KIF21B: variants seen among roughly 807,000 people sequenced by gnomAD.
KIF21B encodes the protein kinesin-like protein KIF21B.
Under a neutral mutation model 192.9 loss-of-function variants are expected in KIF21B, and 85 were observed. The observed-to-expected ratio is 0.44, with a 90% CI of 0.37 to 0.53. KIF21B has a LOEUF of 0.53. KIF21B is among the 20% of genes least tolerant of loss of function. KIF21B has a pLI of 0.00. For synonymous variants in KIF21B, 832 were observed against 884.6 expected (o/e 0.94, Z 1.05); for missense variants, 1,716 against 2,194.8 (o/e 0.78, Z 4.36).
In KIF21B at chr1:200,988,524, C is replaced by T; in HGVS notation, c.3319G>A (p.Asp1107Asn). 1 of 1,282,402 alleles carries T rather than the reference C, an allele frequency of 7.8e-7. No homozygotes were observed. Among genetic ancestry groups the T allele is most frequent in the Non-Finnish European group, 1.1e-6 (1 of 939,754 alleles). The allele number at this position is 1,282,402 out of a possible 1,614,324, so 79.4% of individuals were successfully genotyped here. The stretch of plus-strand genomic sequence containing the variant: ...TCAGAGAACTCTGAGATCTCCTCAT[C>T]TGTGCTGGCGTAGCCATTCTCTGTG... ...VQQENGYAST[D>N]EEISEFSEGS... is the part of the protein sequence containing the mutation. Residue 1107 changes from aspartate (D) to asparagine (N), a missense_variant, in exon 23 of 35, where the codon GAT becomes AAT. Physicochemically the swap from Asp to Asn is conservative, Grantham distance 23. This residue lies in a region of KIF21B where 580 missense variants were observed against 775.5 expected (regional missense o/e 0.75). Transcript: ENST00000461742.
intron 27 of KIF21B, 60 bp from the exon 28 acceptor site, chr1:200,983,154 G>A (rs954731124): frequency 6.4e-6 from 9 of 1,406,390 alleles, no homozygotes; most frequent in African/African-American, 5.7e-5. Flanking sequence ...ACAGAGGGAC[G>A]CAGAGGCGGC....
rs1015486202 is a variant in KIF21B, at chr1:201,017,407, C to T, written c.41+5936G>A. 6.6e-6 allele frequency among the ~76,000 whole-genome samples: 1 copy of T among 152,136 alleles called. No individual in the cohort carries two copies. The highest frequency in any genetic ancestry group is 1.5e-5 in the Non-Finnish European group (1 of 68,002). ...TCTGGGGCCTGGGAAGAGGGTAAAC[C>T]CAGCCCAGGGAAGTACTGCTCAGCT... On this transcript the variant is annotated intron_variant, in intron 1 of 34. Coordinates refer to ENST00000461742, the MANE Select transcript of KIF21B (RefSeq NM_001252102.2). This position sits in a 1 kb window ranked among gnomAD's most constrained non-coding sequence, Gnocchi z 4.1.
chr1:201,007,515 C>G (rs1302086230), intron 3 of KIF21B, among the ~76,000 whole-genome samples: 1 of 149,878 alleles, frequency 6.7e-6, no homozygotes, highest in African/African-American at 2.5e-5. Context: ...CAGACATACA[C>G]ACACAGAGAC....
At chr1:200,981,963 T>A (rs1048996262) in intron 28 of KIF21B, among the ~76,000 whole-genome samples, 1 of 152,088 alleles carries the variant, frequency 6.6e-6, no homozygotes, top group Non-Finnish European at 1.5e-5. Flanking sequence ...TGAAAATATA[T>A]CCTAGCTTTG....
In KIF21B at chr1:201,000,829, C is replaced by A; in HGVS notation, c.1403-49G>T. The A allele has an allele frequency of 6.3e-7, 1 of 1,595,788 alleles. No homozygotes were observed. Among genetic ancestry groups the A allele is most frequent in the South Asian group, 1.1e-5 (1 of 90,726 alleles). On this transcript the variant is annotated intron_variant, in intron 9 of 34. Transcript: ENST00000461742. The surrounding 1 kb of genome is among the most constrained non-coding windows in gnomAD (Gnocchi z 6.0). ...GGGTGCGATAAAGAAGATAAATAGG[C>A]CAGCGCGGTGGCTCAGACCTATAAT...
rs780278468 is a variant in KIF21B at position 200,975,710 on chromosome 1, G to A, written c.4444-41C>T. 4.5e-6 allele frequency: 7 copies of A among 1,570,020 alleles called. No homozygotes were observed. Among genetic ancestry groups the A allele is most frequent in the South Asian group, 1.2e-5 (1 of 84,898 alleles). ...CCAGTAGGGAGAGGCCAAGTGGGAG[G>A]ATGGAAGGCAGGGCCTACAGCACTG... On this transcript the variant is annotated intron_variant, in intron 32 of 34. Coordinates refer to ENST00000461742, the MANE Select transcript of KIF21B (RefSeq NM_001252102.2). The surrounding 1 kb of genome is among the most constrained non-coding windows in gnomAD (Gnocchi z 4.3).
In KIF21B at chr1:200,977,065, C is replaced by A. The variant is rs911215837; in HGVS notation, c.4325+147G>T. ...GCTACCCTGCATCCCAGCAGTCTCA[C>A]TGGAGAGGGCACAGGCCCAGCAGCA... On this transcript the variant is annotated intron_variant, in intron 31 of 34. Transcript: ENST00000461742. 1.3e-5 allele frequency: 14 copies of A among 1,069,448 alleles called. No homozygotes were observed. The African/African-American group carries it at 2.2e-4, about 17-fold the overall frequency. 66.2% of individuals were successfully genotyped at this position (1,069,448 alleles called of 1,614,324 possible). A position where few individuals can be genotyped will look rare whatever the true frequency, so the allele number is the denominator to read the frequency against.
intron 15 of KIF21B, among the ~76,000 whole-genome samples, chr1:200,994,765 G>A (rs866255947): frequency 5.9e-5 from 9 of 152,310 alleles, no homozygotes; most frequent in Non-Finnish European, 8.8e-5. Context: ...GCACATAAGC[G>A]CACCCCAGAA....
chr1:200,973,663 G>A (rs1348877866), intron 34 of KIF21B, 85 bp from the exon 35 acceptor site: 2 of 1,509,816 alleles, frequency 1.3e-6, no homozygotes, highest in African/African-American at 2.8e-5. Flanking sequence ...AGGATGAACT[G>A]GATTCCCCAA....
In KIF21B at chr1:200,982,936, T is replaced by C; in HGVS notation, c.3842+120A>G. On this transcript the variant is annotated intron_variant, in intron 28 of 34. Transcript: ENST00000461742. The surrounding 1 kb of genome is among the most constrained non-coding windows in gnomAD (Gnocchi z 4.7). ...GAGAGGGGGGCAGCAGGAAGGGGAG[T>C]GGAGGGGCCGCATGCTGAGGACACG... 2.4e-6 allele frequency: 2 copies of C among 835,702 alleles called. No individual in the cohort carries two copies. The highest frequency in any genetic ancestry group is 3.9e-6 in the Non-Finnish European group (2 of 516,272). The allele number at this position is 835,702 out of a possible 1,614,324, so 51.8% of individuals were successfully genotyped here.
Position 200,998,566 on chromosome 1 carries a change from A to G in KIF21B, c.1895T>C (p.Phe632Ser), listed in dbSNP as rs1168729002. The G allele has an allele frequency of 4.3e-6, 7 of 1,613,292 alleles. No homozygotes were observed. Among genetic ancestry groups the G allele is most frequent in the African/African-American group, 1.3e-5 (1 of 74,848 alleles). The change falls in exon 14 of 35, where the codon TTC (phenylalanine) becomes TCC (serine). Residue 632 changes from phenylalanine to serine, a missense_variant. Coordinates refer to ENST00000461742, the MANE Select transcript of KIF21B (RefSeq NM_001252102.2). This position sits in a 1 kb window ranked among gnomAD's most constrained non-coding sequence, Gnocchi z 4.3. ...DSDPEEKEVN[F>S]QADLADLTCE... ...AGTCAGGTCGGCCAGGTCCGCCTGGAAGTTCACCTCTATGGGGGCACAATC... is the reference window on the plus strand; with the variant it reads ...AGTCAGGTCGGCCAGGTCCGCCTGGGAGTTCACCTCTATGGGGGCACAATC...
chr1:200,993,034 C>T (rs1307717796), intron 15 of KIF21B, among the ~76,000 whole-genome samples: 4 of 152,234 alleles, frequency 2.6e-5, no homozygotes, highest in Non-Finnish European at 5.9e-5. Flanking sequence ...CCAGTCAGCT[C>T]TTCCTGCAGC....
rs117347677 is a variant in KIF21B at position 201,011,196 on chromosome 1, C to G, written c.42-1708G>C. ...TCCTTCTGGACCTCCAGACCAGAAA[C>G]TTGAGTCTCCAGTAAGAGCTCAGGG... is the stretch of plus-strand genomic sequence containing the variant. On this transcript the variant is annotated intron_variant, in intron 1 of 34. Coordinates refer to ENST00000461742, the MANE Select transcript of KIF21B (RefSeq NM_001252102.2). Among the ~76,000 whole-genome samples the G allele has an allele frequency of 1.9e-4, 29 of 152,368 alleles. No homozygotes were observed. In the East Asian group the frequency reaches 3.9e-3, roughly 20 times the overall value.
In KIF21B at chr1:200,982,342, A is replaced by T. The variant is rs1440218703; in HGVS notation, c.3842+714T>A. Among the ~76,000 whole-genome samples, 1 of 152,130 alleles carries T rather than the reference A, an allele frequency of 6.6e-6. No individual in the cohort carries two copies. The highest frequency in any genetic ancestry group is 2.4e-5 in the African/African-American group (1 of 41,438). On this transcript the variant is annotated intron_variant, in intron 28 of 34. Coordinates refer to ENST00000461742, the MANE Select transcript of KIF21B (RefSeq NM_001252102.2). This position sits in a 1 kb window ranked among gnomAD's most constrained non-coding sequence, Gnocchi z 4.7. ...GACACTCAGGGCTGGAGGCTCGAGG[A>T]GCTGAGACAGCCCACCAGGAGAGCC...
intron 1 of KIF21B, among the ~76,000 whole-genome samples, chr1:201,012,631 CTATGTATGTATG>C (rs113600659): frequency 6.7e-6 from 1 of 150,362 alleles, no homozygotes; most frequent in South Asian, 2.1e-4. Flanking sequence ...TCAGAAAACT[CTATGTATGTATG>C]TATGTATGTA....
intron 1 of KIF21B, among the ~76,000 whole-genome samples, chr1:201,016,159 A>C (rs923726324): frequency 2.0e-5 from 3 of 152,216 alleles, no homozygotes; most frequent in African/African-American, 7.2e-5. Flanking sequence ...ATGAAATTCA[A>C]ACCAAACCTG....
Position 200,977,193 on chromosome 1 carries a change from C to T in KIF21B, c.4325+19G>A, listed in dbSNP as rs1465949001. On this transcript the variant is annotated intron_variant, in intron 31 of 34. Coordinates refer to ENST00000461742, the MANE Select transcript of KIF21B (RefSeq NM_001252102.2). ...CTGGGAATGCCAAACCCTCCTCCCT[C>T]CCCAGGTATCACGCTGACCTGCTAA... is the stretch of plus-strand genomic sequence containing the variant. 2 of 1,597,628 alleles carry T rather than the reference C, an allele frequency of 1.3e-6. No individual in the cohort carries two copies. Among genetic ancestry groups the T allele is most frequent in the African/African-American group, 2.7e-5 (2 of 74,710 alleles).
At position 200,975,914 on chromosome 1, in the gene KIF21B, G is replaced by A. The variant is rs116332456; in HGVS notation, c.4444-245C>T. On this transcript the variant is annotated intron_variant, in intron 32 of 34. Transcript: ENST00000461742. This position sits in a 1 kb window ranked among gnomAD's most constrained non-coding sequence, Gnocchi z 4.3. Reference sequence around the variant, plus strand: ...TGTGGATACTGGGGCAGGGGTGGGAGGAGACCAACTCAAGTAATGCAGGGG... The same window carrying A: ...TGTGGATACTGGGGCAGGGGTGGGAAGAGACCAACTCAAGTAATGCAGGGG... Among the ~76,000 whole-genome samples, 2,423 of 152,216 alleles carry A rather than the reference G, an allele frequency of 0.016. 72 individuals are homozygous for A. Among genetic ancestry groups the A allele is most frequent in the African/African-American group, 0.054 (2,259 of 41,504 alleles).
chr1:200,981,016 G>A lies in KIF21B; in HGVS notation c.3923C>T (p.Thr1308Ile), dbSNP rs145377208. 5.6e-6 allele frequency: 9 copies of A among 1,611,324 alleles called. No individual in the cohort carries two copies. Among genetic ancestry groups the A allele is most frequent in the Non-Finnish European group, 5.9e-6 (7 of 1,178,938 alleles). The stretch of plus-strand genomic sequence containing the variant: ...GGCATCCAGGCAGAGGATGGGCTTG[G>A]TGTGGCCTTCGGCCATGGAGACACA... ...LQCVSMAEGH[T>I]KPILCLDATD... is the part of the protein sequence containing the mutation. Residue 1308 changes from threonine (T) to isoleucine (I), a missense_variant, in exon 29 of 35, where the codon ACC (threonine) becomes ATC (isoleucine). By Grantham distance (89) the Thr-to-Ile change is moderately conservative. This residue lies in a region of KIF21B where 580 missense variants were observed against 775.5 expected (regional missense o/e 0.75). Coordinates refer to ENST00000461742, the MANE Select transcript of KIF21B (RefSeq NM_001252102.2).
Sources: gnomAD v4.1 joint callset for allele counts (sites outside exome capture counted in the v4.1 genomes callset) on GRCh38, gnomAD v4.1.1 for gene constraint, gnomAD v4.1.1 regional missense constraint, Gnocchi (gnomAD v3.1) non-coding constraint, MANE v1.5 for transcripts, NCBI Gene and HGNC (gene_info 2026-07-23, HGNC 2026-07-21) for gene names.